MACO1: variants seen among roughly 807,000 people sequenced by gnomAD.
MACO1 encodes the protein macoilin.
Under a neutral mutation model 78.7 loss-of-function variants are expected in MACO1, and 14 were observed. The ratio of observed to expected loss-of-function variants is 0.18; its 90% CI spans 0.12 to 0.28. The LOEUF is 0.28. Ranked by LOEUF, MACO1 falls within the 10% of genes least tolerant of loss-of-function variation. MACO1 has a pLI of 1.00. For missense variants in MACO1, 501 were observed against 799.0 expected, an observed-to-expected ratio of 0.63 and a Z score of 4.50; for synonymous variants, 288 against 291.6, an observed-to-expected ratio of 0.99 and a Z score of 0.12.
intron 6 of MACO1, among the ~76,000 whole-genome samples, chr1:25,470,244 ACTAT>A (rs1423064215): frequency 6.6e-6 from 1 of 152,192 alleles, no homozygotes; most frequent in Admixed American, 6.5e-5. Context: ...AATGCTATTT[ACTAT>A]CTATCTTTCT....
chr1:25,478,507 G>A (rs1013271666), intron 6 of MACO1, among the ~76,000 whole-genome samples: 12 of 152,172 alleles, frequency 7.9e-5, no homozygotes, highest in African/African-American at 2.9e-4. Context: ...GTTAAGGTTT[G>A]GAGTAAGAGT....
At chr1:25,472,054 G>C (rs1285117466) in intron 6 of MACO1, among the ~76,000 whole-genome samples, 1 of 152,122 alleles carries the variant, frequency 6.6e-6, no homozygotes, top group East Asian at 1.9e-4. Context: ...CCTCATCTCA[G>C]CCAGGAACAG....
At chr1:25,452,925 G>A (rs2043080428) in intron 3 of MACO1, among the ~76,000 whole-genome samples, 1 of 151,298 alleles carries the variant, frequency 6.6e-6, no homozygotes, top group Non-Finnish European at 1.5e-5. Context: ...TTGAACTCCT[G>A]ACCTCGTGAT....
chr1:25,455,902 AT>A (rs142447738), intron 4 of MACO1, among the ~76,000 whole-genome samples: 84 of 148,258 alleles, frequency 5.7e-4, no homozygotes, highest in East Asian at 3.7e-3. Context: ...TGTCCTTGTG[AT>A]TTTTTTTTTT....
intron 6 of MACO1, among the ~76,000 whole-genome samples, chr1:25,483,526 T>C (rs1211007977): frequency 1.3e-5 from 2 of 152,214 alleles, no homozygotes; most frequent in South Asian, 2.1e-4. Flanking sequence ...TCTTAGAGCA[T>C]GTAATTTGTT....
intron 10 of MACO1, among the ~76,000 whole-genome samples, chr1:25,492,579 G>A (rs967770881): frequency 1.3e-5 from 2 of 152,068 alleles, no homozygotes; most frequent in Admixed American, 6.5e-5. Flanking sequence ...AACGGGGAGA[G>A]TTGTCAGAGC....
At chr1:25,470,891 G>A (rs2043262170) in intron 6 of MACO1, among the ~76,000 whole-genome samples, 2 of 151,788 alleles carry the variant, frequency 1.3e-5, no homozygotes, top group African/African-American at 4.8e-5. Flanking sequence ...AGCTGGGCGT[G>A]GTGGCATGTG....
Position 25,498,482 on chromosome 1 carries a change from T to A in MACO1, c.*16T>A, listed in dbSNP as rs747225605. On this transcript the variant is annotated 3_prime_UTR_variant, in exon 11 of 11. Coordinates refer to ENST00000374343, the MANE Select transcript of MACO1 (RefSeq NM_018202.6). ...GAAGAAATGAAGGCCAGCTGTGTGT[T>A]GTGCCCAAAAATTTGGTTACCGGAA... The A allele has an allele frequency of 6.4e-7, 1 of 1,573,044 alleles. No individual in the cohort carries two copies. The highest frequency in any genetic ancestry group is 1.4e-5 in the African/African-American group (1 of 72,962).
chr1:25,431,222 C>T (rs773314551), intron 1 of MACO1, 44 bp downstream of exon 1: 3 of 1,482,206 alleles, frequency 2.0e-6, no homozygotes, highest in Middle Eastern at 1.7e-4. Context: ...GCCCTGCGGT[C>T]CCCCTCCAGC....
Position 25,484,149 on chromosome 1 carries a change from C to T in MACO1, c.1188C>T (p.Asp396=). ...LEQDIKKLKA[D]LQASRQVEQE... ...AAGACATTAAAAAGTTAAAGGCTGA[C>T]CTGCAAGCCAGCAGACAAGTGGAAC... is the stretch of plus-strand genomic sequence containing the variant. The change falls in exon 7 of 11, where the codon GAC becomes GAT. Residue 396 remains aspartate, a synonymous_variant. Coordinates refer to ENST00000374343, the MANE Select transcript of MACO1 (RefSeq NM_018202.6). 1 of 1,613,550 alleles carries T rather than the reference C, an allele frequency of 6.2e-7. No homozygotes were observed. Among genetic ancestry groups the T allele is most frequent in the African/African-American group, 1.3e-5 (1 of 75,016 alleles).
At chr1:25,489,530 T>C (rs2043465531) in intron 9 of MACO1, among the ~76,000 whole-genome samples, 1 of 152,184 alleles carries the variant, frequency 6.6e-6, no homozygotes, top group African/African-American at 2.4e-5. Flanking sequence ...CCTTGGTATG[T>C]TTTATACCAG....
At chr1:25,431,948 G>A (rs565695081) in intron 1 of MACO1, among the ~76,000 whole-genome samples, 4 of 150,324 alleles carry the variant, frequency 2.7e-5, no homozygotes, top group African/African-American at 9.8e-5. Context: ...GAAAAGCAGT[G>A]TCCCTTTAAA....
intron 1 of MACO1, among the ~76,000 whole-genome samples, chr1:25,446,255 C>G (rs1371289770): frequency 6.6e-6 from 1 of 151,828 alleles, no homozygotes; most frequent in African/African-American, 2.4e-5. Flanking sequence ...CAGATGAATA[C>G]TATATACAGA....
chr1:25,494,296 C>T (rs2043515282), intron 10 of MACO1, among the ~76,000 whole-genome samples: 1 of 152,022 alleles, frequency 6.6e-6, no homozygotes, highest in African/African-American at 2.4e-5. Flanking sequence ...GGGAAGGCCT[C>T]GTGAAGGAGG....
chr1:25,432,543 T>G (rs2042885122), intron 1 of MACO1, among the ~76,000 whole-genome samples: 1 of 152,242 alleles, frequency 6.6e-6, no homozygotes, highest in Non-Finnish European at 1.5e-5. Flanking sequence ...TGAATCGAAC[T>G]TGACCATTTT....
chr1:25,433,879 T>C (rs763698822), intron 1 of MACO1, among the ~76,000 whole-genome samples: 8 of 152,270 alleles, frequency 5.3e-5, no homozygotes, highest in African/African-American at 1.9e-4. Flanking sequence ...TAACGTGTGG[T>C]TAATTTTTTA....
intron 6 of MACO1, among the ~76,000 whole-genome samples, chr1:25,479,280 T>G (rs1028696520): frequency 1.6e-4 from 24 of 152,228 alleles, no homozygotes; most frequent in African/African-American, 5.8e-4. Context: ...ATAAATTATA[T>G]ATCTGTATTT....
At chr1:25,489,413 A>T in intron 9 of MACO1, 120 bp downstream of exon 9, 4 of 1,157,216 alleles carry the variant, frequency 3.5e-6, no homozygotes, top group Non-Finnish European at 4.7e-6. Context: ...ATTGCATCTG[A>T]AAAATCTCTA....
intron 8 of MACO1, among the ~76,000 whole-genome samples, chr1:25,486,659 T>C (rs1324202882): frequency 6.6e-6 from 1 of 152,238 alleles, no homozygotes; most frequent in African/African-American, 2.4e-5. Context: ...AATTTAACTT[T>C]TGGCATGTTG....
Sources: allele counts gnomAD v4.1 joint callset (sites outside exome capture counted in the v4.1 genomes callset), GRCh38; gene constraint gnomAD v4.1.1; transcripts MANE v1.5; gene names NCBI Gene and HGNC (gene_info 2026-07-23, HGNC 2026-07-21).